The following HECW2 variants were observed in gnomAD, a reference collection of about 807,000 sequenced individuals.
The protein encoded by HECW2 is HECT, C2 and WW domain containing E3 ubiquitin protein ligase 2, also known as E3 ubiquitin-protein ligase HECW2.
Under a neutral mutation model 175.2 loss-of-function variants are expected in HECW2, and 61 were observed. The observed-to-expected ratio is 0.35, with a 90% CI of 0.28 to 0.43. HECW2 has a LOEUF of 0.43. Ranked by LOEUF, HECW2 falls within the 20% of genes least tolerant of loss-of-function variation. The pLI is 1.00. For synonymous variants in HECW2, 671 were observed against 731.0 expected (o/e 0.92, Z 1.32); for missense variants, 1,524 against 2,000.5 (o/e 0.76, Z 4.54).
rs553891461 is a variant in HECW2 at position 196,272,680 on chromosome 2, G to T, written c.3238+1341C>A. Among the ~76,000 whole-genome samples the T allele has an allele frequency of 2.8e-4, 43 of 152,154 alleles. No homozygotes were observed. The South Asian group carries it at 8.9e-3, about 32-fold the overall frequency. On this transcript the variant is annotated intron_variant, in intron 16 of 28. Transcript: ENST00000644978. ...TTATATATACAATAACAATTTTAAA[G>T]AAATACTACCTGCTAAAATGGAATA...
chr2:196,553,093 C>T (rs2125486941), intron 1 of HECW2, among the ~76,000 whole-genome samples: 1 of 152,336 alleles, frequency 6.6e-6, no homozygotes, highest in African/African-American at 2.4e-5. Flanking sequence ...TTGTGTTTTA[C>T]TATAACTGCT....
intron 15 of HECW2, among the ~76,000 whole-genome samples, chr2:196,276,675 G>C (rs13398199): frequency 0.02 from 3,023 of 152,170 alleles, 117 homozygotes; most frequent in African/African-American, 0.069. Context: ...ACCACTAATG[G>C]GTTACATGAC....
intron 21 of HECW2, among the ~76,000 whole-genome samples, chr2:196,235,501 A>C (rs1292083378): frequency 6.6e-6 from 1 of 151,906 alleles, no homozygotes; most frequent in Non-Finnish European, 1.5e-5. Context: ...TCTGACTATA[A>C]ATTTTCCCAT....
intron 2 of HECW2, among the ~76,000 whole-genome samples, chr2:196,377,616 C>T (rs1694088788): frequency 6.6e-6 from 1 of 152,198 alleles, no homozygotes; most frequent in Non-Finnish European, 1.5e-5. Context: ...TGGGTTCCTC[C>T]CACAATACGT....
intron 6 of HECW2, among the ~76,000 whole-genome samples, chr2:196,323,902 TTTTTTG>T (rs1692042186): frequency 9.4e-6 from 1 of 106,278 alleles, no homozygotes; most frequent in African/African-American, 4.8e-5. Context: ...CTTAAGAGTT[TTTTTTG>T]TTTTTTGTTT....
chr2:196,306,256 C>T (rs1338050130), intron 13 of HECW2, among the ~76,000 whole-genome samples: 1 of 152,164 alleles, frequency 6.6e-6, no homozygotes, highest in Non-Finnish European at 1.5e-5. Flanking sequence ...AAATAAATTT[C>T]TGTTGCTTAT....
intron 5 of HECW2, among the ~76,000 whole-genome samples, chr2:196,328,692 C>T (rs1692245508): frequency 6.6e-6 from 1 of 152,104 alleles, no homozygotes; most frequent in Admixed American, 6.6e-5. Context: ...AAAATGAAAA[C>T]AAAACATATT....
chr2:196,281,057 G>A (rs940443419), intron 14 of HECW2, among the ~76,000 whole-genome samples: 2 of 152,156 alleles, frequency 1.3e-5, no homozygotes, highest in African/African-American at 4.8e-5. Flanking sequence ...TGATGCACTT[G>A]TAATTATAAA....
intron 2 of HECW2, among the ~76,000 whole-genome samples, chr2:196,426,490 ATAAT>A (rs1353598366): frequency 6.6e-6 from 1 of 151,988 alleles, no homozygotes; most frequent in Non-Finnish European, 1.5e-5. Context: ...CATTTCCATG[ATAAT>A]TAGTGATGTT....
intron 18 of HECW2, among the ~76,000 whole-genome samples, chr2:196,255,147 ATTTTTT>A (rs768416431): frequency 2.1e-5 from 2 of 95,422 alleles, no homozygotes; most frequent in African/African-American, 4.3e-5. Context: ...TAATTTTTCT[ATTTTTT>A]TTTTTTTTTT....
At chr2:196,578,606 T>C (rs945137507) in intron 1 of HECW2, among the ~76,000 whole-genome samples, 1 of 151,946 alleles carries the variant, frequency 6.6e-6, no homozygotes, top group Non-Finnish European at 1.5e-5. Context: ...ACGAAAGCAG[T>C]ATGAAAAAAA....
chr2:196,490,553 A>G (rs559829198), intron 1 of HECW2, among the ~76,000 whole-genome samples: 2 of 152,334 alleles, frequency 1.3e-5, no homozygotes, highest in South Asian at 4.1e-4. Context: ...GTTTCTTAAG[A>G]AGTTAAACAT....
At chr2:196,470,576 A>G (rs1009665753) in intron 1 of HECW2, among the ~76,000 whole-genome samples, 2 of 152,106 alleles carry the variant, frequency 1.3e-5, no homozygotes, top group African/African-American at 4.8e-5. Context: ...TGCCCATTCA[A>G]TTTTTTAAAT....
intron 17 of HECW2, 140 bp from the exon 18 acceptor site, chr2:196,258,046 T>C: frequency 1.6e-6 from 1 of 613,286 alleles, no homozygotes. Flanking sequence ...ACCCTAGGAA[T>C]ACACATCCAA....
chr2:196,366,245 G>A (rs1314344349), intron 2 of HECW2, among the ~76,000 whole-genome samples: 4 of 152,180 alleles, frequency 2.6e-5, no homozygotes, highest in African/African-American at 9.6e-5. Flanking sequence ...GTGGTACAAT[G>A]AGTTTAGTAA....
At chr2:196,499,161 C>G (rs980619732) in intron 1 of HECW2, among the ~76,000 whole-genome samples, 81 of 152,158 alleles carry the variant, frequency 5.3e-4, no homozygotes, top group African/African-American at 1.9e-3. Flanking sequence ...TGCTGCAATA[C>G]CCGCCATCTC....
chr2:196,562,896 T>C (rs1402890186), intron 1 of HECW2, among the ~76,000 whole-genome samples: 1 of 151,916 alleles, frequency 6.6e-6, no homozygotes, highest in Non-Finnish European at 1.5e-5. Context: ...ATTAAAAAAT[T>C]AGCCAGGTGT....
At chr2:196,483,475 G>A (rs1686909799) in intron 1 of HECW2, among the ~76,000 whole-genome samples, 1 of 152,202 alleles carries the variant, frequency 6.6e-6, no homozygotes, top group African/African-American at 2.4e-5. Flanking sequence ...GGACAGGGAG[G>A]AGGTTTACCA....
intron 2 of HECW2, among the ~76,000 whole-genome samples, chr2:196,408,830 T>A (rs1231125726): frequency 6.6e-6 from 1 of 152,254 alleles, no homozygotes; most frequent in South Asian, 2.1e-4. Context: ...TCGTTTGAAG[T>A]AAGCTAATCA....
Sources: gnomAD v4.1 joint callset for allele counts (sites outside exome capture counted in the v4.1 genomes callset) on GRCh38, gnomAD v4.1.1 for gene constraint, MANE v1.5 for transcripts, NCBI Gene and HGNC (gene_info 2026-07-23, HGNC 2026-07-21) for gene names.